TLN2: variants seen among roughly 807,000 people sequenced by gnomAD.
TLN2 encodes talin-2.
A neutral mutation model predicts 294.7 loss-of-function variants in TLN2; 118 were observed. The observed-to-expected ratio is 0.40, with a 90% CI of 0.34 to 0.47. The LOEUF (loss-of-function observed/expected upper bound fraction) is 0.47. Among genes scored for constraint, TLN2 ranks in the 20% least tolerant of loss-of-function variants. The pLI, the probability that TLN2 is intolerant of heterozygous loss-of-function variation, is 0.84. For missense variants in TLN2, 3,083 were observed against 3,282.2 expected, an observed-to-expected ratio of 0.94 and a Z score of 1.48; for synonymous variants, 1,431 against 1,304.5, an observed-to-expected ratio of 1.10 and a Z score of -2.09.
chr15:62,440,977 C>T (rs984409569), intron 1 of TLN2, among the ~76,000 whole-genome samples: 2 of 152,180 alleles, frequency 1.3e-5, no homozygotes, highest in African/African-American at 4.8e-5. Flanking sequence ...GTTATAGTCA[C>T]ATTGGTATAT....
rs1444851671 is a variant in TLN2, at chr15:62,797,371, C to G, written c.6203C>G (p.Ala2068Gly). The G allele has an allele frequency of 6.2e-7, 1 of 1,607,928 alleles. No homozygotes were observed. Among genetic ancestry groups the G allele is most frequent in the African/African-American group, 1.3e-5 (1 of 74,540 alleles). ...GCAGAAGTGGTCAAGCTGGGGGCAG[C>G]CAGCCTGGGCTCCGACGACCCCGAG... is the stretch of plus-strand genomic sequence containing the variant. ...QLAEVVKLGAASLGSDDPETQ... is the reference protein window; with the variant it reads ...QLAEVVKLGAGSLGSDDPETQ... Residue 2068 changes from alanine (A) to glycine (G), a missense_variant, in exon 48 of 59, where the codon GCC becomes GGC. By Grantham distance (60) the Ala-to-Gly change is moderately conservative. Transcript: ENST00000636159.
At chr15:62,755,803 TC>T in intron 37 of TLN2, 110 bp downstream of exon 37, 1 of 1,365,104 alleles carries the variant, frequency 7.3e-7, no homozygotes, top group South Asian at 1.4e-5. Flanking sequence ...AAGCTTAACT[TC>T]TAATTCAGTC....
At chr15:62,520,139 C>G (rs912878783) in intron 1 of TLN2, among the ~76,000 whole-genome samples, 1 of 152,178 alleles carries the variant, frequency 6.6e-6, no homozygotes, top group Non-Finnish European at 1.5e-5. Context: ...GCCACCAGGT[C>G]CCTCCAACAA....
At chr15:62,557,666 C>T (rs1201194621) in intron 1 of TLN2, among the ~76,000 whole-genome samples, 1 of 152,098 alleles carries the variant, frequency 6.6e-6, no homozygotes, top group African/African-American at 2.4e-5. Flanking sequence ...CTCAGCCTCC[C>T]GAGTAGCTGG....
At chr15:62,815,203 A>T (rs927998042) in intron 52 of TLN2, among the ~76,000 whole-genome samples, 96 of 150,838 alleles carry the variant, frequency 6.4e-4, no homozygotes, top group East Asian at 2.3e-3. Context: ...ACACACACAC[A>T]CACACACACA....
At chr15:62,794,279 A>C (rs990197593) in intron 46 of TLN2, among the ~76,000 whole-genome samples, 9 of 151,972 alleles carry the variant, frequency 5.9e-5, no homozygotes, top group African/African-American at 2.2e-4. Context: ...TGGCCTTTTG[A>C]CTGTTTCTTG....
intron 1 of TLN2, among the ~76,000 whole-genome samples, chr15:62,460,694 A>G (rs28551651): frequency 0.012 from 1,773 of 152,292 alleles, 41 homozygotes; most frequent in African/African-American, 0.041. Flanking sequence ...TAAGAATTCC[A>G]TGTTTATTTC....
At chr15:62,405,031 AG>A (rs2033304925) in intron 1 of TLN2, among the ~76,000 whole-genome samples, 1 of 152,172 alleles carries the variant, frequency 6.6e-6, no homozygotes, top group African/African-American at 2.4e-5. Context: ...TTTTAAAGAA[AG>A]GTGGTTGGAA....
chr15:62,569,606 G>A (rs1305579005), intron 1 of TLN2, among the ~76,000 whole-genome samples: 1 of 152,210 alleles, frequency 6.6e-6, no homozygotes, highest in African/African-American at 2.4e-5. Context: ...ATCTGGAGTC[G>A]GATATCTCTC....
intron 1 of TLN2, among the ~76,000 whole-genome samples, chr15:62,424,136 T>C (rs2034570037): frequency 6.6e-6 from 1 of 152,128 alleles, no homozygotes; most frequent in African/African-American, 2.4e-5. Flanking sequence ...TGGATAATAA[T>C]AGTAACTACC....
chr15:62,719,657 C>A (rs1003741164), intron 24 of TLN2, 110 bp from the exon 25 acceptor site: 1 of 791,836 alleles, frequency 1.3e-6, no homozygotes, highest in Non-Finnish European at 1.9e-6. Context: ...GGGCTGGCGT[C>A]CCCTGGGAGT....
intron 1 of TLN2, among the ~76,000 whole-genome samples, chr15:62,451,457 C>G (rs1300275086): frequency 2.0e-5 from 3 of 152,132 alleles, no homozygotes; most frequent in Non-Finnish European, 4.4e-5. Flanking sequence ...GAGATCTAGA[C>G]CATCCTGGCT....
At chr15:62,573,414 A>G (rs2044090420) in intron 1 of TLN2, among the ~76,000 whole-genome samples, 1 of 151,946 alleles carries the variant, frequency 6.6e-6, no homozygotes, top group African/African-American at 2.4e-5. Context: ...AGGACCCACT[A>G]CCTTGGCTCG....
intron 1 of TLN2, among the ~76,000 whole-genome samples, chr15:62,476,749 C>T (rs1198753333): frequency 1.3e-5 from 2 of 152,244 alleles, no homozygotes; most frequent in African/African-American, 4.8e-5. Context: ...CCTGCCTTTA[C>T]TGGCCTTCGA....
At chr15:62,426,123 G>C (rs2034692168) in intron 1 of TLN2, among the ~76,000 whole-genome samples, 1 of 152,180 alleles carries the variant, frequency 6.6e-6, no homozygotes, top group African/African-American at 2.4e-5. Flanking sequence ...TTTGTTCTAA[G>C]ACCCTGCCTG....
At chr15:62,572,912 C>T (rs1409939976) in intron 1 of TLN2, among the ~76,000 whole-genome samples, 2 of 152,208 alleles carry the variant, frequency 1.3e-5, no homozygotes, top group Non-Finnish European at 2.9e-5. Context: ...ATGGCTCCTC[C>T]CAGCCTTGTG....
At chr15:62,465,594 G>C (rs1198422183) in intron 1 of TLN2, among the ~76,000 whole-genome samples, 1 of 152,188 alleles carries the variant, frequency 6.6e-6, no homozygotes, top group Non-Finnish European at 1.5e-5. Context: ...GTAAACAGCT[G>C]GAGCCAATGG....
chr15:62,763,797 T>C, intron 40 of TLN2, 102 bp downstream of exon 40: 1 of 1,413,282 alleles, frequency 7.1e-7, no homozygotes. Flanking sequence ...AAAATGTTTC[T>C]GTTGCTGGAG....
chr15:62,612,633 C>T (rs551949161), intron 2 of TLN2, among the ~76,000 whole-genome samples: 7 of 152,176 alleles, frequency 4.6e-5, no homozygotes, highest in East Asian at 1.9e-4. Context: ...CCTGCTTGTT[C>T]GTGAGATTTT....
Sources: gnomAD v4.1 joint callset for allele counts (sites outside exome capture counted in the v4.1 genomes callset) on GRCh38, gnomAD v4.1.1 for gene constraint, MANE v1.5 for transcripts, NCBI Gene and HGNC (gene_info 2026-07-23, HGNC 2026-07-21) for gene names.